The following GPR139 variants were observed in gnomAD, a reference collection of about 807,000 sequenced individuals.
GPR139 encodes probable G protein-coupled receptor 139.
A neutral mutation model predicts 25.8 loss-of-function variants in GPR139; 12 were observed. The ratio of observed to expected loss-of-function variants is 0.47; its 90% CI spans 0.30 to 0.75. The LOEUF (loss-of-function observed/expected upper bound fraction) is 0.75, where lower values mean the gene tolerates loss of function less well. GPR139 is among the 30% of genes least tolerant of loss of function. GPR139 has a pLI of 0.07. For missense variants in GPR139, 380 were observed against 450.2 expected (o/e 0.84, Z 1.41); for synonymous variants, 184 against 179.9 (o/e 1.02, Z -0.18).
intron 1 of GPR139, among the ~76,000 whole-genome samples, chr16:20,062,660 G>A (rs147499611): frequency 4.6e-5 from 7 of 152,224 alleles, no homozygotes; most frequent in Admixed American, 4.6e-4. Flanking sequence ...AAAGTGATTT[G>A]CCTTTTTTTC....
At chr16:20,057,570 CTCCATCCATCCT>C (rs1026998615) in intron 1 of GPR139, among the ~76,000 whole-genome samples, 5 of 151,472 alleles carry the variant, frequency 3.3e-5, no homozygotes, top group Admixed American at 1.3e-4. Context: ...CCCTCCCTTC[CTCCATCCATCCT>C]TCCATCCATC....
In GPR139 at chr16:20,068,992, T is replaced by G. The variant is rs574569596; in HGVS notation, c.127+4498A>C. Among the ~76,000 whole-genome samples the G allele has an allele frequency of 3.3e-5, 5 of 152,306 alleles. No homozygotes were observed. The South Asian group carries it at 1.0e-3, about 32-fold the overall frequency. On this transcript the variant is annotated intron_variant, in intron 1 of 1. Coordinates refer to ENST00000570682, the MANE Select transcript of GPR139 (RefSeq NM_001002911.4). ...AACTCAAGTTGATTCTGACATGTTATTCCTCTTATATATTGCTGGATTAGA... is the reference window on the plus strand; with the variant it reads ...AACTCAAGTTGATTCTGACATGTTAGTCCTCTTATATATTGCTGGATTAGA...
chr16:20,060,911 C>T (rs2057410595), intron 1 of GPR139, among the ~76,000 whole-genome samples: 1 of 152,140 alleles, frequency 6.6e-6, no homozygotes, highest in South Asian at 2.1e-4. Context: ...TTCGATCACT[C>T]CTTCTTGAGG....
At chr16:20,037,938 G>A (rs2057315924) in intron 1 of GPR139, among the ~76,000 whole-genome samples, 1 of 152,092 alleles carries the variant, frequency 6.6e-6, no homozygotes, top group African/African-American at 2.4e-5. Flanking sequence ...TCGGCTCACT[G>A]CAACCTCCAC....
intron 1 of GPR139, 116 bp from the exon 2 acceptor site, chr16:20,032,785 T>C (rs2057295939): frequency 1.5e-6 from 1 of 684,156 alleles, no homozygotes. Flanking sequence ...AATGATTGAA[T>C]CAATGCTTTT....
intron 1 of GPR139, among the ~76,000 whole-genome samples, chr16:20,037,127 T>C (rs1269915886): frequency 6.6e-6 from 1 of 152,054 alleles, no homozygotes; most frequent in Non-Finnish European, 1.5e-5. Flanking sequence ...AACTTTTAGA[T>C]TAAAAGCGAT....
In GPR139 at chr16:20,073,665, C is replaced by T. The variant is rs759582424; in HGVS notation, c.-49G>A. ...CCGCTTCGCGCCCGGCCTGCCAGCC[C>T]GACTCTGGTCGCCGGCTCGGTGGTG... On this transcript the variant is annotated 5_prime_UTR_variant, in exon 1 of 2. Transcript: ENST00000570682. The surrounding 1 kb of genome is among the most constrained non-coding windows in gnomAD (Gnocchi z 4.7). The T allele has an allele frequency of 1.3e-6, 2 of 1,502,048 alleles. No homozygotes were observed. The highest frequency in any genetic ancestry group is 1.4e-5 in the African/African-American group (1 of 70,932). The allele number at this position is 1,502,048 out of a possible 1,614,324, so 93.0% of individuals were successfully genotyped here. A position where few individuals can be genotyped will look rare whatever the true frequency, so the allele number is the denominator to read the frequency against.
At chr16:20,061,305 A>G (rs72772762) in intron 1 of GPR139, among the ~76,000 whole-genome samples, 16,450 of 149,280 alleles carry the variant, frequency 0.11, 1,152 homozygotes, top group East Asian at 0.27. Flanking sequence ...ATGCATGGAC[A>G]TATGGATGGA....
chr16:20,056,603 C>G (rs529242794), intron 1 of GPR139, among the ~76,000 whole-genome samples: 34 of 152,258 alleles, frequency 2.2e-4, no homozygotes, highest in Admixed American at 1.7e-3. Flanking sequence ...TGGATGAGCT[C>G]TTTGTAAATT....
In GPR139 at chr16:20,032,266, G is replaced by C. The variant is rs1258022319; in HGVS notation, c.531C>G (p.Thr177=). The change falls in exon 2 of 2, where the codon ACC becomes ACG. Residue 177 remains threonine (T), a synonymous_variant. Transcript: ENST00000570682. ...PNIWTEDYIS[T]SVHHVLIWIH... ...TCCAGATGAGGACGTGATGCACAGAGGTGCTGATGTAGTCTTCAGTCCAGA... is the reference window on the plus strand; with the variant it reads ...TCCAGATGAGGACGTGATGCACAGACGTGCTGATGTAGTCTTCAGTCCAGA... 2.5e-6 allele frequency: 4 copies of C among 1,614,086 alleles called. No homozygotes were observed. Among genetic ancestry groups the C allele is most frequent in the Non-Finnish European group, 3.4e-6 (4 of 1,180,036 alleles).
intron 1 of GPR139, among the ~76,000 whole-genome samples, chr16:20,070,271 G>A (rs533548863): frequency 2.4e-4 from 37 of 152,294 alleles, no homozygotes; most frequent in African/African-American, 8.7e-4. Flanking sequence ...AATAATATAG[G>A]TGACAGAGAT....
At position 20,073,689 on chromosome 16, in the gene GPR139, T is replaced by C. The variant is rs545680010; in HGVS notation, c.-73A>G. ...CCGACTCTGGTCGCCGGCTCGGTGGTGGCGGCGGCGGAGGCAGCGGCAGCT... is the reference window on the plus strand; with the variant it reads ...CCGACTCTGGTCGCCGGCTCGGTGGCGGCGGCGGCGGAGGCAGCGGCAGCT... On this transcript the variant is annotated 5_prime_UTR_variant, in exon 1 of 2. Transcript: ENST00000570682. This position sits in a 1 kb window ranked among gnomAD's most constrained non-coding sequence, Gnocchi z 4.7. The C allele has an allele frequency of 1.8e-4, 269 of 1,472,180 alleles. 2 individuals carry two copies. The African/African-American group carries it at 3.0e-3, about 16-fold the overall frequency. 91.2% of individuals were successfully genotyped at this position (1,472,180 alleles called of 1,614,324 possible).
chr16:20,036,008 G>A (rs1473758218), intron 1 of GPR139, among the ~76,000 whole-genome samples: 2 of 152,156 alleles, frequency 1.3e-5, no homozygotes, highest in Admixed American at 6.5e-5. Flanking sequence ...TATACATTGG[G>A]TACTCTTGTG....
At chr16:20,049,331 T>A (rs2764772) in intron 1 of GPR139, among the ~76,000 whole-genome samples, 45,650 of 152,032 alleles carry the variant, frequency 0.3, 7,054 homozygotes, top group East Asian at 0.38. Flanking sequence ...GTGATGACTG[T>A]TCACACCCCT....
At chr16:20,041,245 GGAGAGGGAAGGAGAAAAGAA>G (rs2057333523) in intron 1 of GPR139, among the ~76,000 whole-genome samples, 2 of 5,996 alleles carry the variant, frequency 3.3e-4, no homozygotes, top group Non-Finnish European at 9.0e-4. Flanking sequence ...GGAGAGGAGA[GGAGAGGGAAGGAGAAAAGAA>G]AAGCATCTCT....
intron 1 of GPR139, among the ~76,000 whole-genome samples, chr16:20,071,914 G>T (rs1017222932): frequency 6.6e-6 from 1 of 152,094 alleles, no homozygotes; most frequent in African/African-American, 2.4e-5. Flanking sequence ...TGCAAGGGTG[G>T]GTGGATTGTT....
chr16:20,049,047 G>A (rs960300299), intron 1 of GPR139, among the ~76,000 whole-genome samples: 1 of 152,278 alleles, frequency 6.6e-6, no homozygotes, highest in Middle Eastern at 3.4e-3. Context: ...ACTGGCCAGA[G>A]TATTTAACAC....
At chr16:20,064,912 T>C (rs1056954535) in intron 1 of GPR139, among the ~76,000 whole-genome samples, 1 of 152,208 alleles carries the variant, frequency 6.6e-6, no homozygotes, top group Non-Finnish European at 1.5e-5. Flanking sequence ...TAGCATGCAA[T>C]GTGTGGTATT....
At chr16:20,035,444 T>G (rs1026669955) in intron 1 of GPR139, among the ~76,000 whole-genome samples, 2 of 152,232 alleles carry the variant, frequency 1.3e-5, no homozygotes, top group African/African-American at 4.8e-5. Flanking sequence ...ATTTGTAAAC[T>G]TGGTATTTCA....
Sources: allele counts gnomAD v4.1 joint callset (sites outside exome capture counted in the v4.1 genomes callset), GRCh38; gene constraint gnomAD v4.1.1; non-coding constraint Gnocchi (gnomAD v3.1); transcripts MANE v1.5; gene names NCBI Gene and HGNC (gene_info 2026-07-23, HGNC 2026-07-21).